The following MNAT1 variants were observed in gnomAD, a reference collection of about 807,000 sequenced individuals.
MNAT1 encodes the protein MNAT1 component of CDK activating kinase, also known as CDK-activating kinase assembly factor MAT1.
Under a neutral mutation model 42.0 loss-of-function variants are expected in MNAT1, and 43 were observed. The ratio of observed to expected loss-of-function variants is 1.02; its 90% CI spans 0.80 to 1.32. The LOEUF is 1.32. Among genes scored for constraint, MNAT1 ranks in the 40% most tolerant of loss-of-function variants. The probability of loss-of-function intolerance (pLI) is 0.00; values close to 1 mark genes in which losing one functional copy is unlikely to be tolerated. For synonymous variants in MNAT1, 118 were observed against 120.0 expected (o/e 0.98, Z 0.11); for missense variants, 306 against 350.4 (o/e 0.87, Z 1.01).
At chr14:60,746,923 TACACAC>T (rs61278549) in intron 1 of MNAT1, among the ~76,000 whole-genome samples, 594 of 25,166 alleles carry the variant, frequency 0.024, 40 homozygotes, top group Middle Eastern at 0.052. Flanking sequence ...TATATATATA[TACACAC>T]ACACACACAC....
intron 7 of MNAT1, among the ~76,000 whole-genome samples, chr14:60,957,542 A>C (rs2036507840): frequency 6.6e-6 from 1 of 152,160 alleles, no homozygotes; most frequent in Admixed American, 6.5e-5. Context: ...ACCTCCTACT[A>C]GGTCCCTCCC....
At chr14:60,787,449 TG>T (rs2031686586) in intron 1 of MNAT1, among the ~76,000 whole-genome samples, 1 of 152,204 alleles carries the variant, frequency 6.6e-6, no homozygotes. Flanking sequence ...CAGATGTTGA[TG>T]GCTCCTGACT....
intron 7 of MNAT1, among the ~76,000 whole-genome samples, chr14:60,967,890 G>A (rs1357603228): frequency 6.6e-6 from 1 of 152,156 alleles, no homozygotes; most frequent in East Asian, 1.9e-4. Context: ...TGCCAGGAAG[G>A]AGAGCATTAG....
chr14:60,857,745 C>T (rs1347913817), intron 6 of MNAT1, among the ~76,000 whole-genome samples: 2 of 151,284 alleles, frequency 1.3e-5, no homozygotes, highest in African/African-American at 2.4e-5. Flanking sequence ...CCCTGACAGG[C>T]CCCGGTGTGT....
At chr14:60,911,067 C>G (rs573287406) in intron 7 of MNAT1, among the ~76,000 whole-genome samples, 1 of 151,664 alleles carries the variant, frequency 6.6e-6, no homozygotes, top group Non-Finnish European at 1.5e-5. Flanking sequence ...GTGTGTGTGT[C>G]GAGGAATTTA....
chr14:60,810,645 T>A (rs559581664), intron 4 of MNAT1, among the ~76,000 whole-genome samples: 1 of 152,328 alleles, frequency 6.6e-6, no homozygotes, highest in Admixed American at 6.5e-5. Flanking sequence ...TGTGCATATT[T>A]GTGAATTTTC....
At chr14:60,960,219 G>A (rs2036563711) in intron 7 of MNAT1, among the ~76,000 whole-genome samples, 1 of 152,060 alleles carries the variant, frequency 6.6e-6, no homozygotes, top group Non-Finnish European at 1.5e-5. Flanking sequence ...CACCTCCCTT[G>A]TGTCTACATT....
At chr14:60,753,728 A>G (rs1380372414) in intron 1 of MNAT1, 6 of 152,208 alleles carry the variant, frequency 3.9e-5, no homozygotes, top group Non-Finnish European at 8.8e-5. Flanking sequence ...ATTTGTGGCC[A>G]TATGTAAAAC....
chr14:60,749,758 G>A (rs550769797), intron 1 of MNAT1, among the ~76,000 whole-genome samples: 4 of 152,182 alleles, frequency 2.6e-5, no homozygotes, highest in African/African-American at 7.2e-5. Context: ...TTTATTTTCA[G>A]TTTACTTAGC....
chr14:60,808,632 T>C lies in MNAT1; in HGVS notation c.420+204T>C, dbSNP rs1464629732. On this transcript the variant is annotated intron_variant, in intron 4 of 7. Transcript: ENST00000261245. The stretch of plus-strand genomic sequence containing the variant: ...AGCAAAAACCACTTTGACAGCATTA[T>C]GTTAGACTGTGCTTTCTTAAGGAAG... 9.2e-6 allele frequency: 3 copies of C among 327,538 alleles called. No individual in the cohort carries two copies. The South Asian group carries it at 1.9e-4, about 21-fold the overall frequency. 20.3% of individuals were successfully genotyped at this position (327,538 alleles called of 1,614,324 possible).
intron 7 of MNAT1, among the ~76,000 whole-genome samples, chr14:60,922,762 A>T (rs4151353): frequency 5.5e-4 from 84 of 152,314 alleles, no homozygotes; most frequent in East Asian, 5.0e-3. Context: ...AGATTTCTCC[A>T]TTGCCAAGGC....
intron 1 of MNAT1, among the ~76,000 whole-genome samples, chr14:60,779,436 A>G (rs1046592210): frequency 6.6e-6 from 1 of 152,216 alleles, no homozygotes; most frequent in Non-Finnish European, 1.5e-5. Context: ...CATTGGGACT[A>G]TAGTTTGTCT....
At chr14:60,912,716 C>A (rs1279215009) in intron 7 of MNAT1, among the ~76,000 whole-genome samples, 2 of 152,160 alleles carry the variant, frequency 1.3e-5, no homozygotes, top group African/African-American at 4.8e-5. Flanking sequence ...GATGGGCTTC[C>A]CTTTTTGGGT....
intron 1 of MNAT1, among the ~76,000 whole-genome samples, chr14:60,744,122 A>G (rs1321750184): frequency 1.3e-5 from 2 of 152,006 alleles, no homozygotes; most frequent in African/African-American, 4.8e-5. Context: ...TGGCTATCTC[A>G]GGGTTGGTTT....
chr14:60,810,695 T>G (rs1203138010), intron 4 of MNAT1, among the ~76,000 whole-genome samples: 2 of 152,194 alleles, frequency 1.3e-5, no homozygotes, highest in Non-Finnish European at 2.9e-5. Flanking sequence ...TTTATTCCAT[T>G]GTGGTCAGGA....
At position 60,901,876 on chromosome 14, in the gene MNAT1, A is replaced by G. The variant is rs527729391; in HGVS notation, c.809+22041A>G. Reference sequence around the variant, plus strand: ...TGCTCCTGGTGAAGATGCTGTGAACATTGTTGAAATGACAACAAAAGATTT... The same window carrying G: ...TGCTCCTGGTGAAGATGCTGTGAACGTTGTTGAAATGACAACAAAAGATTT... On this transcript the variant is annotated intron_variant, in intron 7 of 7. Transcript: ENST00000261245. Among the ~76,000 whole-genome samples the G allele has an allele frequency of 5.9e-5, 9 of 152,332 alleles. No homozygotes were observed. The South Asian group carries it at 1.9e-3, about 32-fold the overall frequency.
Position 60,734,998 on chromosome 14 carries a change from G to T in MNAT1, c.89+47G>T. 1 of 1,570,604 alleles carries T rather than the reference G, an allele frequency of 6.4e-7. No individual in the cohort carries two copies. The highest frequency in any genetic ancestry group is 8.8e-7 in the Non-Finnish European group (1 of 1,140,550). On this transcript the variant is annotated intron_variant, in intron 1 of 7. Transcript: ENST00000261245. This position sits in a 1 kb window ranked among gnomAD's most constrained non-coding sequence, Gnocchi z 4.3. Reference sequence around the variant, plus strand: ...TCCCTGGGGGAGAGACGCGCTGGGTGGGAGGAGAGGACCGGGAGATGCTAG... The same window carrying T: ...TCCCTGGGGGAGAGACGCGCTGGGTTGGAGGAGAGGACCGGGAGATGCTAG...
At chr14:60,748,861 C>A (rs1381913315) in intron 1 of MNAT1, among the ~76,000 whole-genome samples, 1 of 152,088 alleles carries the variant, frequency 6.6e-6, no homozygotes, top group Non-Finnish European at 1.5e-5. Context: ...AAACCAGTAT[C>A]GTAGTCATTT....
At chr14:60,908,132 G>A (rs1230424488) in intron 7 of MNAT1, among the ~76,000 whole-genome samples, 2 of 152,144 alleles carry the variant, frequency 1.3e-5, no homozygotes, top group African/African-American at 4.8e-5. Flanking sequence ...TAATGTGATA[G>A]TCCATTTTGT....
Sources: allele counts gnomAD v4.1 joint callset (sites outside exome capture counted in the v4.1 genomes callset), GRCh38; gene constraint gnomAD v4.1.1; non-coding constraint Gnocchi (gnomAD v3.1); transcripts MANE v1.5; gene names NCBI Gene and HGNC (gene_info 2026-07-23, HGNC 2026-07-21).